The following RSPO2 variants were observed in gnomAD, a reference collection of about 807,000 sequenced individuals.
RSPO2 encodes the protein R-spondin-2.
A neutral mutation model predicts 30.9 loss-of-function variants in RSPO2; 14 were observed. That is an observed-to-expected ratio of 0.45 (90% CI 0.30 to 0.71). The LOEUF (loss-of-function observed/expected upper bound fraction) is 0.71. RSPO2 is among the 30% of genes least tolerant of loss of function. The pLI is 0.08. For synonymous variants in RSPO2, 107 were observed against 96.4 expected (o/e 1.11, Z -0.64); for missense variants, 264 against 301.9 (o/e 0.87, Z 0.93).
chr8:108,017,887 T>C (rs535546003), intron 2 of RSPO2, among the ~76,000 whole-genome samples: 1 of 152,344 alleles, frequency 6.6e-6, no homozygotes, highest in East Asian at 1.9e-4. Flanking sequence ...TGAATGTTAG[T>C]AGTCTGTGGG....
intron 2 of RSPO2, among the ~76,000 whole-genome samples, chr8:108,075,314 C>G (rs1812976790): frequency 6.6e-6 from 1 of 152,096 alleles, no homozygotes; most frequent in South Asian, 2.1e-4. Context: ...AACCCCATCT[C>G]TACTAAAAAT....
In RSPO2 at chr8:108,067,283, A is replaced by T. The variant is rs1000345794; in HGVS notation, c.94+15262T>A. 1.1e-4 allele frequency among the ~76,000 whole-genome samples: 16 copies of T among 152,266 alleles called. 1 individual carries two copies. The Middle Eastern group carries it at 0.01, about 97-fold the overall frequency. The stretch of plus-strand genomic sequence containing the variant: ...AGGCAATTGGGGAAATCCATTACAT[A>T]CCGATTATTAAGAGGTGCTATCAAG... On this transcript the variant is annotated intron_variant, in intron 2 of 5. Transcript: ENST00000276659.
At chr8:107,979,490 C>G (rs554870581) in intron 3 of RSPO2, among the ~76,000 whole-genome samples, 1 of 151,952 alleles carries the variant, frequency 6.6e-6, no homozygotes, top group Non-Finnish European at 1.5e-5. Flanking sequence ...ATGAGAACAC[C>G]TGGACACAGG....
intron 3 of RSPO2, among the ~76,000 whole-genome samples, chr8:107,985,104 T>C (rs1216072720): frequency 6.6e-6 from 1 of 152,166 alleles, no homozygotes; most frequent in Admixed American, 6.5e-5. Context: ...AAATATGTGT[T>C]CAGCTTCATT....
intron 2 of RSPO2, among the ~76,000 whole-genome samples, chr8:108,081,380 G>A (rs1367852055): frequency 6.6e-6 from 1 of 152,222 alleles, no homozygotes; most frequent in Non-Finnish European, 1.5e-5. Context: ...TCACATCACA[G>A]ATCGAGTGAG....
intron 2 of RSPO2, among the ~76,000 whole-genome samples, chr8:108,055,430 G>A (rs1812214595): frequency 6.6e-6 from 1 of 152,108 alleles, no homozygotes; most frequent in South Asian, 2.1e-4. Context: ...CATTTAAATG[G>A]GGGGGAGAAT....
At chr8:108,052,137 T>C (rs1563580026) in intron 2 of RSPO2, among the ~76,000 whole-genome samples, 1 of 152,334 alleles carries the variant, frequency 6.6e-6, no homozygotes, top group East Asian at 1.9e-4. Context: ...CTGGATCATA[T>C]AGAAAGCCAG....
At chr8:108,057,045 G>A (rs1812271367) in intron 2 of RSPO2, among the ~76,000 whole-genome samples, 1 of 74,840 alleles carries the variant, frequency 1.3e-5, no homozygotes. Flanking sequence ...AACAGAGTGA[G>A]ACTCTGTCTC....
At chr8:107,920,951 C>G (rs1394653884) in intron 5 of RSPO2, among the ~76,000 whole-genome samples, 1 of 152,040 alleles carries the variant, frequency 6.6e-6, no homozygotes, top group African/African-American at 2.4e-5. Context: ...CAATAGACAG[C>G]TGTTTTAAAC....
chr8:108,047,532 A>G (rs988232548), intron 2 of RSPO2, among the ~76,000 whole-genome samples: 2 of 152,124 alleles, frequency 1.3e-5, no homozygotes, highest in African/African-American at 4.8e-5. Flanking sequence ...GCTTCTATTC[A>G]TTCAATTGAA....
At chr8:107,926,250 T>A (rs1211593674) in intron 5 of RSPO2, among the ~76,000 whole-genome samples, 13 of 152,146 alleles carry the variant, frequency 8.5e-5, no homozygotes, top group Admixed American at 6.5e-5. Flanking sequence ...CTTGATGGGG[T>A]TGTTTTTTTC....
Position 107,901,174 on chromosome 8 carries a change from C to A in RSPO2, c.633G>T (p.Lys211Asn), listed in dbSNP as rs181500705. 3 of 1,613,488 alleles carry A rather than the reference C, an allele frequency of 1.9e-6. No individual in the cohort carries two copies. Among genetic ancestry groups the A allele is most frequent in the Non-Finnish European group, 2.5e-6 (3 of 1,179,804 alleles). ...RHCPGGKRTP[K>N]AKEKRNKKKK... Reference sequence around the variant, plus strand: ...TTTTCTTGTTCCTCTTCTCCTTCGCCTTTGGTGTTCTCTTCCCTGCAATGA... The same window carrying A: ...TTTTCTTGTTCCTCTTCTCCTTCGCATTTGGTGTTCTCTTCCCTGCAATGA... The change falls in exon 6 of 6, where the codon AAG (lysine) becomes AAT (asparagine). Residue 211 changes from lysine to asparagine, a missense_variant. Coordinates refer to ENST00000276659, the MANE Select transcript of RSPO2 (RefSeq NM_178565.5).
chr8:108,082,095 T>A (rs1813217296), intron 2 of RSPO2: 4 of 191,364 alleles, frequency 2.1e-5, no homozygotes, highest in Non-Finnish European at 4.0e-5. Flanking sequence ...TCCGAAGAGA[T>A]CTGAGGCCGG....
intron 5 of RSPO2, among the ~76,000 whole-genome samples, chr8:107,903,827 A>AT (rs1811552098): frequency 6.6e-6 from 1 of 152,024 alleles, no homozygotes; most frequent in African/African-American, 2.4e-5. Context: ...ACATATTGCA[A>AT]ATACCGAGGA....
chr8:108,074,472 AATTC>A (rs1812951426), intron 2 of RSPO2, among the ~76,000 whole-genome samples: 1 of 152,192 alleles, frequency 6.6e-6, no homozygotes, highest in South Asian at 2.1e-4. Flanking sequence ...ATGTTTCTAT[AATTC>A]ATATTCAAAA....
At chr8:108,051,353 G>T (rs543425387) in intron 2 of RSPO2, among the ~76,000 whole-genome samples, 11 of 152,290 alleles carry the variant, frequency 7.2e-5, no homozygotes, top group African/African-American at 2.4e-4. Context: ...ATTTGGCATA[G>T]TGAAGGTTTG....
chr8:107,902,384 T>C (rs1811505988), intron 5 of RSPO2, among the ~76,000 whole-genome samples: 1 of 152,148 alleles, frequency 6.6e-6, no homozygotes, highest in Non-Finnish European at 1.5e-5. Flanking sequence ...GTACTACGAA[T>C]AGGGAACAGG....
At chr8:108,035,913 A>G (rs1016844280) in intron 2 of RSPO2, among the ~76,000 whole-genome samples, 2 of 152,186 alleles carry the variant, frequency 1.3e-5, no homozygotes, top group African/African-American at 4.8e-5. Flanking sequence ...CACCAAGTCT[A>G]TCTATATGCT....
At chr8:108,070,778 C>G (rs569281700) in intron 2 of RSPO2, among the ~76,000 whole-genome samples, 55 of 152,270 alleles carry the variant, frequency 3.6e-4, no homozygotes, top group Non-Finnish European at 6.2e-4. Context: ...AACACTCTCA[C>G]GAGATGCTCT....
Sources: gnomAD v4.1 joint callset for allele counts (sites outside exome capture counted in the v4.1 genomes callset) on GRCh38, gnomAD v4.1.1 for gene constraint, MANE v1.5 for transcripts, NCBI Gene and HGNC (gene_info 2026-07-23, HGNC 2026-07-21) for gene names.